CYP2B6: variants seen among roughly 807,000 people sequenced by gnomAD.
CYP2B6 encodes the protein cytochrome P450 family 2 subfamily B member 6, also known as cytochrome P450 2B6.
Under a neutral mutation model 43.4 loss-of-function variants are expected in CYP2B6, and 35 were observed. That is an observed-to-expected ratio of 0.81 (90% CI 0.62 to 1.07). The LOEUF (loss-of-function observed/expected upper bound fraction) is 1.07. Among genes scored for constraint, CYP2B6 ranks in the 50% least tolerant of loss-of-function variants. The pLI is 0.00. For missense variants in CYP2B6, 624 were observed against 632.8 expected (o/e 0.99, Z 0.15); for synonymous variants, 239 against 239.2 (o/e 1.00, Z 0.01).
chr19:41,017,759 T>C lies in CYP2B6; in HGVS notation c.*932T>C, dbSNP rs1218306890. The C allele has an allele frequency of 6.6e-6, 1 of 152,074 alleles. No homozygotes were observed. Among genetic ancestry groups the C allele is most frequent in the Non-Finnish European group, 1.5e-5 (1 of 68,014 alleles). 9.4% of individuals were successfully genotyped at this position (152,074 alleles called of 1,614,324 possible). A position where few individuals can be genotyped will look rare whatever the true frequency, so the allele number is the denominator to read the frequency against. On this transcript the variant is annotated 3_prime_UTR_variant, in exon 9 of 9. Coordinates refer to ENST00000324071, the MANE Select transcript of CYP2B6 (RefSeq NM_000767.5). ...TCAAGCTGTCACTCCCCATACCCCA[T>C]TCTCTTTTTCATCTCGGCCCCTGTC...
chr19:41,006,762 C>T, intron 3 of CYP2B6, 143 bp from the exon 4 acceptor site: 3 of 764,726 alleles, frequency 3.9e-6, no homozygotes, highest in Non-Finnish European at 4.4e-6. Flanking sequence ...TTACGCGTGA[C>T]GTGCTGGTAC....
intron 7 of CYP2B6, 62 bp from the exon 8 acceptor site, chr19:41,012,612 G>A (rs565577961): frequency 1.2e-6 from 2 of 1,610,794 alleles, no homozygotes; most frequent in Non-Finnish European, 1.7e-6. Flanking sequence ...TTTCTTTTTT[G>A]TGGAGTGTGT....
chr19:41,016,270 G>A (rs552802716), intron 8 of CYP2B6, among the ~76,000 whole-genome samples: 18 of 151,854 alleles, frequency 1.2e-4, no homozygotes, highest in Non-Finnish European at 2.1e-4. Flanking sequence ...GGTGGCAGGT[G>A]CCTGTAATCC....
intron 1 of CYP2B6, among the ~76,000 whole-genome samples, chr19:41,000,677 C>A (rs1969069536): frequency 6.6e-6 from 1 of 152,062 alleles, no homozygotes; most frequent in Admixed American, 6.5e-5. Flanking sequence ...TCTGTGTTGT[C>A]ATGGGGATTT....
At chr19:40,997,180 G>A (rs964371939) in intron 1 of CYP2B6, among the ~76,000 whole-genome samples, 9 of 152,040 alleles carry the variant, frequency 5.9e-5, no homozygotes, top group Non-Finnish European at 1.3e-4. Context: ...GGAGGAGAGA[G>A]GGAGAGCAGG....
intron 6 of CYP2B6, among the ~76,000 whole-genome samples, chr19:41,011,888 A>G (rs906299133): frequency 6.6e-6 from 1 of 152,018 alleles, no homozygotes; most frequent in Non-Finnish European, 1.5e-5. Flanking sequence ...CTAACCCTTT[A>G]CTATAGGTTT....
rs78511393 is a variant in CYP2B6, at chr19:41,012,427, T to G, written c.1094T>G (p.Met365Arg). The change falls in exon 7 of 9, where the codon ATG becomes AGG. Residue 365 changes from methionine to arginine, a missense_variant. Transcript: ENST00000324071. ...CAGAGATTTTCCGACCTTCTCCCCA[T>G]GGGTGTGCCCCACATTGTCACCCAA... ...EIQRFSDLLP[M>R]GVPHIVTQHT... The G allele has an allele frequency of 6.2e-7, 1 of 1,614,052 alleles. No individual in the cohort carries two copies. Among genetic ancestry groups the G allele is most frequent in the Non-Finnish European group, 8.5e-7 (1 of 1,179,976 alleles).
chr19:41,006,813 G>A, intron 3 of CYP2B6, 92 bp from the exon 4 acceptor site: 1 of 1,182,540 alleles, frequency 8.5e-7, no homozygotes, highest in Non-Finnish European at 1.2e-6. Flanking sequence ...TACCATTACT[G>A]AGTGATGGCA....
In CYP2B6 at chr19:41,009,266, C is replaced by A; in HGVS notation, c.693C>A (p.His231Gln). 6.2e-7 allele frequency: 1 copy of A among 1,612,998 alleles called. No homozygotes were observed. The highest frequency in any genetic ancestry group is 8.5e-7 in the Non-Finnish European group (1 of 1,179,518). ...TCTTGAAATACTTTCCTGGGGCACA[C>A]AGGCAAGTTTACAAAAACCTGCAGG... ...SGFLKYFPGA[H>Q]RQVYKNLQEI... is the part of the protein sequence containing the mutation. Residue 231 changes from histidine to glutamine, a missense_variant, in exon 5 of 9, where the codon CAC (histidine) becomes CAA (glutamine). His to Gln is a conservative substitution (Grantham distance 24). Transcript: ENST00000324071.
intron 1 of CYP2B6, among the ~76,000 whole-genome samples, chr19:40,995,647 T>C (rs531736908): frequency 2.6e-5 from 4 of 152,352 alleles, no homozygotes; most frequent in African/African-American, 7.2e-5. Context: ...GGGAGATACA[T>C]GAGATTCTAT....
At chr19:41,015,483 C>T (rs1969346783) in intron 8 of CYP2B6, among the ~76,000 whole-genome samples, 1 of 152,182 alleles carries the variant, frequency 6.6e-6, no homozygotes, top group South Asian at 2.1e-4. Flanking sequence ...ATGGCCTTTC[C>T]AAGGTTTGCA....
chr19:40,992,146 G>C (rs1311936917), intron 1 of CYP2B6, among the ~76,000 whole-genome samples: 1 of 144,918 alleles, frequency 6.9e-6, no homozygotes, highest in South Asian at 2.1e-4. Context: ...AGGTTGCAGT[G>C]AGCCAAAATC....
chr19:40,998,655 T>C (rs1474164414), intron 1 of CYP2B6, among the ~76,000 whole-genome samples: 1 of 134,110 alleles, frequency 7.5e-6, no homozygotes, highest in Admixed American at 8.0e-5. Flanking sequence ...TTCCCACCTA[T>C]GAGTGAGAAT....
chr19:41,013,548 C>A (rs1254729898), intron 8 of CYP2B6, among the ~76,000 whole-genome samples: 2 of 152,098 alleles, frequency 1.3e-5, no homozygotes, highest in African/African-American at 2.4e-5. Context: ...CCATTGAGAA[C>A]CTATAGGAAG....
chr19:41,017,763 C>G lies in CYP2B6; in HGVS notation c.*936C>G, dbSNP rs1157221720. 6.6e-6 allele frequency: 1 copy of G among 152,204 alleles called. No homozygotes were observed. Among genetic ancestry groups the G allele is most frequent in the East Asian group, 1.9e-4 (1 of 5,194 alleles). 9.4% of individuals were successfully genotyped at this position (152,204 alleles called of 1,614,324 possible). The stretch of plus-strand genomic sequence containing the variant: ...GCTGTCACTCCCCATACCCCATTCT[C>G]TTTTTCATCTCGGCCCCTGTCAATC... On this transcript the variant is annotated 3_prime_UTR_variant, in exon 9 of 9. Coordinates refer to ENST00000324071, the MANE Select transcript of CYP2B6 (RefSeq NM_000767.5).
chr19:40,994,956 A>T (rs1490972634), intron 1 of CYP2B6, among the ~76,000 whole-genome samples: 1 of 152,142 alleles, frequency 6.6e-6, no homozygotes, highest in Non-Finnish European at 1.5e-5. Context: ...CATTGGGAAC[A>T]TGAAGAGGCA....
At chr19:41,009,903 G>A in intron 5 of CYP2B6, 91 bp from the exon 6 acceptor site, 1 of 1,537,996 alleles carries the variant, frequency 6.5e-7, no homozygotes, top group Non-Finnish European at 8.9e-7. Flanking sequence ...AGACCTTTAG[G>A]CCAACGGAGG....
intron 6 of CYP2B6, among the ~76,000 whole-genome samples, chr19:41,011,453 T>C (rs1305657613): frequency 6.6e-6 from 1 of 152,266 alleles, no homozygotes; most frequent in Non-Finnish European, 1.5e-5. Context: ...TATTAATTGA[T>C]AAGTAAATAC....
chr19:41,004,011 A>T lies in CYP2B6; in HGVS notation c.182A>T (p.Lys61Ile), dbSNP rs777256437. 5 of 1,613,326 alleles carry T rather than the reference A, an allele frequency of 3.1e-6. No homozygotes were observed. The African/African-American group carries it at 5.3e-5, about 17-fold the overall frequency. The change falls in exon 2 of 9, where the codon AAA (lysine) becomes ATA (isoleucine). Residue 61 changes from lysine to isoleucine, a missense_variant. By Grantham distance (102) the Lys-to-Ile change is moderately radical (BLOSUM62 -3). Coordinates refer to ENST00000324071, the MANE Select transcript of CYP2B6 (RefSeq NM_000767.5). ...GGATGTGATTGGCAGTTCCGAGAGA[A>T]ATATGGGGACGTCTTCACGGTACAC... ...LLKSFLRFRE[K>I]YGDVFTVHLG...
Sources: allele counts gnomAD v4.1 joint callset (sites outside exome capture counted in the v4.1 genomes callset), GRCh38; gene constraint gnomAD v4.1.1; transcripts MANE v1.5; gene names NCBI Gene and HGNC (gene_info 2026-07-23, HGNC 2026-07-21).